The following KCNIP4 variants were observed in gnomAD, a reference collection of about 807,000 sequenced individuals.
The protein encoded by KCNIP4 is potassium voltage-gated channel interacting protein 4, also known as Kv channel-interacting protein 4.
In KCNIP4, 12 loss-of-function variants were observed where a neutral mutation model predicts 34.0. The ratio of observed to expected loss-of-function variants is 0.35; its 90% CI spans 0.23 to 0.57. The LOEUF (loss-of-function observed/expected upper bound fraction) is 0.57, where lower values mean the gene tolerates loss of function less well. Among genes scored for constraint, KCNIP4 ranks in the 20% least tolerant of loss-of-function variants. The pLI, the probability that KCNIP4 is intolerant of heterozygous loss-of-function variation, is 0.83. For missense variants in KCNIP4, 238 were observed against 311.7 expected, an observed-to-expected ratio of 0.76 and a Z score of 1.78; for synonymous variants, 124 against 102.2, an observed-to-expected ratio of 1.21 and a Z score of -1.29.
chr4:21,440,868 C>T (rs760230558), intron 1 of KCNIP4, among the ~76,000 whole-genome samples: 7 of 152,130 alleles, frequency 4.6e-5, no homozygotes, highest in Non-Finnish European at 8.8e-5. Flanking sequence ...ACAAACCAGC[C>T]TAACTCCTAG....
At position 20,915,786 on chromosome 4, in the gene KCNIP4, T is replaced by G. The variant is rs186841838; in HGVS notation, c.62-33077A>C. Among the ~76,000 whole-genome samples the G allele has an allele frequency of 2.4e-4, 37 of 152,300 alleles. 1 individual carries two copies. In the East Asian group the frequency reaches 4.4e-3, roughly 18 times the overall value. ...ATTATAGATACAATATTTGGAATAT[T>G]TGACAACATCACTCTAATTTTATCT... is the stretch of plus-strand genomic sequence containing the variant. On this transcript the variant is annotated intron_variant, in intron 1 of 8. Coordinates refer to ENST00000382152, the MANE Select transcript of KCNIP4 (RefSeq NM_025221.6).
intron 1 of KCNIP4, among the ~76,000 whole-genome samples, chr4:21,714,498 C>T (rs1000826655): frequency 7.7e-6 from 1 of 130,594 alleles, no homozygotes; most frequent in Admixed American, 1.0e-4. Flanking sequence ...GAGATAGAGA[C>T]AGGAGAGAAG....
chr4:20,854,990 T>C (rs965351572), intron 2 of KCNIP4, among the ~76,000 whole-genome samples: 2 of 152,202 alleles, frequency 1.3e-5, no homozygotes, highest in African/African-American at 2.4e-5. Context: ...TGTAGTTTTG[T>C]CACAAAATAT....
chr4:20,999,041 G>T (rs552449065), intron 1 of KCNIP4, among the ~76,000 whole-genome samples: 10 of 152,290 alleles, frequency 6.6e-5, no homozygotes, highest in East Asian at 3.9e-4. Flanking sequence ...AGCAAAGGTG[G>T]TTTCATCCTG....
chr4:21,545,993 C>T (rs1738121064), intron 1 of KCNIP4, among the ~76,000 whole-genome samples: 1 of 152,126 alleles, frequency 6.6e-6, no homozygotes, highest in Non-Finnish European at 1.5e-5. Context: ...AATGTACACT[C>T]CCACCAACAC....
intron 1 of KCNIP4, among the ~76,000 whole-genome samples, chr4:21,471,357 G>T (rs778014418): frequency 6.6e-6 from 1 of 152,082 alleles, no homozygotes; most frequent in Non-Finnish European, 1.5e-5. Context: ...CTAATTCCCA[G>T]AGTCCTAATA....
At chr4:21,936,673 G>A (rs34529261) in intron 1 of KCNIP4, among the ~76,000 whole-genome samples, 35,908 of 151,982 alleles carry the variant, frequency 0.24, 5,285 homozygotes, top group South Asian at 0.36. Flanking sequence ...TCAAGGTAAC[G>A]TGATAGCAGG....
intron 3 of KCNIP4, among the ~76,000 whole-genome samples, chr4:20,828,304 G>A (rs892238685): frequency 6.6e-6 from 1 of 152,176 alleles, no homozygotes; most frequent in African/African-American, 2.4e-5. Context: ...GTGTGTGCCT[G>A]TAATCCCAGC....
At chr4:21,923,782 G>C (rs1000734850) in intron 1 of KCNIP4, among the ~76,000 whole-genome samples, 3 of 151,858 alleles carry the variant, frequency 2.0e-5, no homozygotes, top group African/African-American at 7.3e-5. Context: ...CAAACCTCCT[G>C]GAATTGTTTA....
chr4:21,504,807 A>G (rs1017600760), intron 1 of KCNIP4, among the ~76,000 whole-genome samples: 5 of 152,208 alleles, frequency 3.3e-5, no homozygotes, highest in Non-Finnish European at 5.9e-5. Context: ...TGTTTTAATT[A>G]GCTTCAGTCA....
At chr4:21,245,702 C>T (rs1577954781) in intron 1 of KCNIP4, among the ~76,000 whole-genome samples, 2 of 152,070 alleles carry the variant, frequency 1.3e-5, no homozygotes, top group East Asian at 3.9e-4. Context: ...TGGGGCAACA[C>T]CAAGAATGAG....
intron 1 of KCNIP4, among the ~76,000 whole-genome samples, chr4:21,860,205 C>G (rs919303204): frequency 6.6e-6 from 1 of 152,180 alleles, no homozygotes; most frequent in Admixed American, 6.5e-5. Flanking sequence ...ACAATCTCAG[C>G]TCACTGCAAC....
chr4:20,753,308 C>T (rs189095756), intron 4 of KCNIP4, among the ~76,000 whole-genome samples: 1 of 152,020 alleles, frequency 6.6e-6, no homozygotes, highest in Admixed American at 6.6e-5. Flanking sequence ...GTAGAAAAAA[C>T]CCCTAGGATT....
At chr4:20,923,563 C>A (rs1446220645) in intron 1 of KCNIP4, among the ~76,000 whole-genome samples, 1 of 152,120 alleles carries the variant, frequency 6.6e-6, no homozygotes, top group Non-Finnish European at 1.5e-5. Flanking sequence ...TAGTGTGGGA[C>A]AGTCTCAGAA....
At chr4:20,976,731 C>T (rs1164678257) in intron 1 of KCNIP4, among the ~76,000 whole-genome samples, 2 of 152,140 alleles carry the variant, frequency 1.3e-5, no homozygotes, top group African/African-American at 2.4e-5. Flanking sequence ...TAAACCATTT[C>T]ATAGAATATG....
Position 20,745,863 on chromosome 4 carries a change from G to C in KCNIP4, c.429+3799C>G, listed in dbSNP as rs147061509. 4.7e-3 allele frequency among the ~76,000 whole-genome samples: 716 copies of C among 152,208 alleles called. 2 individuals carry two copies. The highest frequency in any genetic ancestry group is 0.016 in the African/African-American group (673 of 41,528). ...GCTTAGAATGATGCATTTGCATGTA[G>C]TTGCCTTACTGGGTAATGAGATGAC... On this transcript the variant is annotated intron_variant, in intron 5 of 8. Coordinates refer to ENST00000382152, the MANE Select transcript of KCNIP4 (RefSeq NM_025221.6).
chr4:20,977,805 G>C (rs1332424335), intron 1 of KCNIP4, among the ~76,000 whole-genome samples: 3 of 152,130 alleles, frequency 2.0e-5, no homozygotes, highest in Non-Finnish European at 4.4e-5. Context: ...CTCAACTCTT[G>C]AGATGTAAAA....
At chr4:21,650,378 G>C (rs1747389558) in intron 1 of KCNIP4, among the ~76,000 whole-genome samples, 1 of 152,148 alleles carries the variant, frequency 6.6e-6, no homozygotes, top group South Asian at 2.1e-4. Flanking sequence ...TGTAATATGG[G>C]AGGACACTGG....
chr4:20,806,923 C>A (rs1715172251), intron 3 of KCNIP4, among the ~76,000 whole-genome samples: 1 of 152,014 alleles, frequency 6.6e-6, no homozygotes, highest in African/African-American at 2.4e-5. Flanking sequence ...AATGACAGAG[C>A]CAATTGATAT....
Sources: gnomAD v4.1 joint callset for allele counts (sites outside exome capture counted in the v4.1 genomes callset) on GRCh38, gnomAD v4.1.1 for gene constraint, MANE v1.5 for transcripts, NCBI Gene and HGNC (gene_info 2026-07-23, HGNC 2026-07-21) for gene names.